The following DNAH11 variants were observed in gnomAD, a reference collection of about 807,000 sequenced individuals.
The protein encoded by DNAH11 is axonemal beta dynein heavy chain 11.
DNAH11 carries 442 observed loss-of-function variants against 526.0 expected under a neutral mutation model. That is an observed-to-expected ratio of 0.84 (90% CI 0.78 to 0.91). The LOEUF is 0.91. Ranked by LOEUF, DNAH11 falls within the 40% of genes least tolerant of loss-of-function variation. The pLI is 0.00. For synonymous variants in DNAH11, 2,461 were observed against 1,935.9 expected, an observed-to-expected ratio of 1.27 and a Z score of -7.12; for missense variants, 6,989 against 5,448.7, an observed-to-expected ratio of 1.28 and a Z score of -8.90.
chr7:21,635,752 G>A (rs1786832192), intron 25 of DNAH11, 119 bp from the exon 26 acceptor site: 2 of 727,330 alleles, frequency 2.7e-6, no homozygotes, highest in African/African-American at 1.8e-5. Flanking sequence ...GCCAGTTCCA[G>A]ATATTACATG....
chr7:21,879,925 A>G (rs1448109816), intron 74 of DNAH11, among the ~76,000 whole-genome samples: 1 of 152,070 alleles, frequency 6.6e-6, no homozygotes, highest in Non-Finnish European at 1.5e-5. Context: ...TCTCTATTAA[A>G]AATACAAAAA....
intron 66 of DNAH11, among the ~76,000 whole-genome samples, chr7:21,843,991 A>C (rs1204797666): frequency 6.6e-6 from 1 of 152,228 alleles, no homozygotes; most frequent in Non-Finnish European, 1.5e-5. Flanking sequence ...CTTCACACAG[A>C]TGAACAACAT....
intron 45 of DNAH11, among the ~76,000 whole-genome samples, chr7:21,734,819 C>G (rs1010958152): frequency 1.3e-5 from 2 of 151,806 alleles, no homozygotes; most frequent in Admixed American, 1.3e-4. Context: ...CATCACGCCA[C>G]TGCACTCCAG....
chr7:21,794,826 A>T (rs1788638723), intron 61 of DNAH11, among the ~76,000 whole-genome samples: 1 of 152,164 alleles, frequency 6.6e-6, no homozygotes, highest in South Asian at 2.1e-4. Flanking sequence ...GGAATGTAAG[A>T]TGGCTGAGTG....
chr7:21,883,211 G>A (rs1203055456), intron 75 of DNAH11, among the ~76,000 whole-genome samples: 2 of 152,200 alleles, frequency 1.3e-5, no homozygotes, highest in Non-Finnish European at 2.9e-5. Context: ...CGCAACAAGC[G>A]AAGGCTATAA....
chr7:21,707,169 G>T (rs1008172841), intron 39 of DNAH11, among the ~76,000 whole-genome samples: 2 of 152,266 alleles, frequency 1.3e-5, no homozygotes, highest in Admixed American at 6.5e-5. Flanking sequence ...TAAGTCTCTA[G>T]GTCTCAAAGC....
chr7:21,601,060 T>G lies in DNAH11; in HGVS notation c.3306T>G (p.Phe1102Leu). 2 of 1,612,146 alleles carry G rather than the reference T, an allele frequency of 1.2e-6. No individual in the cohort carries two copies. Among genetic ancestry groups the G allele is most frequent in the Non-Finnish European group, 8.5e-7 (1 of 1,179,564 alleles). ...TTCAAATGAGCAAATTTGAGGACTTTAGAGTGTTTGATAGTTGGTTCAAGG... is the reference window on the plus strand; with the variant it reads ...TTCAAATGAGCAAATTTGAGGACTTGAGAGTGTTTGATAGTTGGTTCAAGG... ...LYVQMSKFED[F>L]RVFDSWFKVD... Residue 1102 changes from phenylalanine (F) to leucine (L), a missense_variant, in exon 17 of 82, where the codon TTT becomes TTG. Physicochemically the swap from Phe to Leu is conservative, Grantham distance 22. Coordinates refer to ENST00000409508, the MANE Select transcript of DNAH11 (RefSeq NM_001277115.2).
intron 14 of DNAH11, among the ~76,000 whole-genome samples, chr7:21,598,698 A>G (rs1784958708): frequency 6.6e-6 from 1 of 152,216 alleles, no homozygotes; most frequent in African/African-American, 2.4e-5. Flanking sequence ...TATTATGCCT[A>G]GTACCCACTG....
chr7:21,585,196 C>A (rs933208060), intron 9 of DNAH11, among the ~76,000 whole-genome samples: 1 of 152,116 alleles, frequency 6.6e-6, no homozygotes, highest in African/African-American at 2.4e-5. Context: ...CATCATCTTA[C>A]AGCTTCTGTG....
chr7:21,736,779 A>G (rs1396746191), intron 46 of DNAH11, among the ~76,000 whole-genome samples: 5 of 152,160 alleles, frequency 3.3e-5, no homozygotes, highest in African/African-American at 1.2e-4. Flanking sequence ...GCTTGAGCCC[A>G]GGAGTTTGAG....
In DNAH11 at chr7:21,704,506, C is replaced by T; in HGVS notation, c.6346C>T (p.Leu2116=). ...TGACGACATCCCAGTGTTTCTGGGC[C>T]TGGTCGGTGACCTGTTTCCAGCCCT... The part of the protein sequence containing the change: ...VTDDIPVFLG[L]VGDLFPALDV... The change falls in exon 38 of 82, where the codon CTG becomes TTG. Residue 2116 remains leucine (L), a synonymous_variant. Coordinates refer to ENST00000409508, the MANE Select transcript of DNAH11 (RefSeq NM_001277115.2). 6.2e-7 allele frequency: 1 copy of T among 1,613,846 alleles called. No homozygotes were observed. Among genetic ancestry groups the T allele is most frequent in the South Asian group, 1.1e-5 (1 of 91,062 alleles).
rs778087045 is a variant in DNAH11 at position 21,711,726 on chromosome 7, C to T, written c.6849C>T (p.Ala2283=). ...GCTCACTCCAGGTGCTGACCCTCGCCAGCAATGAGCGCATTGCACTCACTC... is the reference window on the plus strand; with the variant it reads ...GCTCACTCCAGGTGCTGACCCTCGCTAGCAATGAGCGCATTGCACTCACTC... ...VMDDNKVLTL[A]SNERIALTPF... The change falls in exon 42 of 82, where the codon GCC becomes GCT. Residue 2283 remains alanine (A), a synonymous_variant. Coordinates refer to ENST00000409508, the MANE Select transcript of DNAH11 (RefSeq NM_001277115.2). The T allele has an allele frequency of 3.1e-6, 5 of 1,613,500 alleles. 1 individual carries two copies. The highest frequency in any genetic ancestry group is 3.3e-5 in the Admixed American group (2 of 59,970).
intron 28 of DNAH11, among the ~76,000 whole-genome samples, chr7:21,644,157 T>C (rs1424352402): frequency 6.6e-6 from 1 of 152,200 alleles, no homozygotes; most frequent in East Asian, 1.9e-4. Flanking sequence ...AGACTGTAAA[T>C]ATTGGCATTC....
Position 21,725,973 on chromosome 7 carries a change from G to T in DNAH11, c.7429G>T (p.Val2477Leu), listed in dbSNP as rs1785086119. 6.4e-7 allele frequency: 1 copy of T among 1,552,252 alleles called. No homozygotes were observed. The highest frequency in any genetic ancestry group is 8.7e-7 in the Non-Finnish European group (1 of 1,147,134). ...KIAQFTMDPD[V>L]PLQTVLVHTT... ...TGCCCAGTTTACTATGGATCCAGAT[G>T]TGCCTCTGCAGGTAGGTGTGTGGAA... The change falls in exon 45 of 82, where the codon GTG becomes TTG. Residue 2477 changes from valine to leucine, a missense_variant. Coordinates refer to ENST00000409508, the MANE Select transcript of DNAH11 (RefSeq NM_001277115.2).
intron 28 of DNAH11, among the ~76,000 whole-genome samples, chr7:21,649,074 C>T (rs957726012): frequency 6.6e-6 from 1 of 152,078 alleles, no homozygotes; most frequent in South Asian, 2.1e-4. Flanking sequence ...ATTCAAAAAA[C>T]ACATATACTT....
At chr7:21,783,758 G>T (rs1274769777) in intron 57 of DNAH11, among the ~76,000 whole-genome samples, 1 of 152,034 alleles carries the variant, frequency 6.6e-6, no homozygotes, top group African/African-American at 2.4e-5. Context: ...TTGGGAAGAG[G>T]TGCCACTGGA....
At chr7:21,862,057 A>AGAAAAAG (rs770314841) in intron 69 of DNAH11, 34 bp downstream of exon 69, 1 of 1,582,856 alleles carries the variant, frequency 6.3e-7, no homozygotes, top group East Asian at 2.3e-5. Context: ...AAGGATCCCC[A>AGAAAAAG]GAACCAAAGG....
intron 55 of DNAH11, among the ~76,000 whole-genome samples, chr7:21,773,260 C>G (rs1188371422): frequency 2.0e-5 from 3 of 151,232 alleles, no homozygotes; most frequent in Non-Finnish European, 4.4e-5. Context: ...ATTTTTCTCC[C>G]AGAAGCAGTG....
In DNAH11 at chr7:21,735,626, G is replaced by C. The variant is rs1785572671; in HGVS notation, c.7441-14G>C. ...CTCTTTCTGATCTTTGTCTCATTCT[G>C]TTTCTCCTCCCAGACAGTTCTCGTT... On this transcript the variant is annotated splice_polypyrimidine_tract_variant and intron_variant, in intron 45 of 81. Coordinates refer to ENST00000409508, the MANE Select transcript of DNAH11 (RefSeq NM_001277115.2). 5 of 1,562,890 alleles carry C rather than the reference G, an allele frequency of 3.2e-6. No homozygotes were observed. The highest frequency in any genetic ancestry group is 4.3e-6 in the Non-Finnish European group (5 of 1,152,200).
Sources: gnomAD v4.1 joint callset for allele counts (sites outside exome capture counted in the v4.1 genomes callset) on GRCh38, gnomAD v4.1.1 for gene constraint, MANE v1.5 for transcripts, NCBI Gene and HGNC (gene_info 2026-07-23, HGNC 2026-07-21) for gene names.